The following PHTF2 variants were observed in gnomAD, a reference collection of about 807,000 sequenced individuals.
PHTF2 encodes putative homeodomain transcription factor 2, also known as protein PHTF2.
A neutral mutation model predicts 101.2 loss-of-function variants in PHTF2; 60 were observed. That is an observed-to-expected ratio of 0.59 (90% CI 0.48 to 0.73). The LOEUF (loss-of-function observed/expected upper bound fraction) is 0.73, where lower values mean the gene tolerates loss of function less well. Ranked by LOEUF, PHTF2 falls within the 30% of genes least tolerant of loss-of-function variation. The probability of loss-of-function intolerance (pLI) is 0.00; values close to 1 mark genes in which losing one functional copy is unlikely to be tolerated. For missense variants in PHTF2, 747 were observed against 908.7 expected (o/e 0.82, Z 2.29); for synonymous variants, 311 against 307.3 (o/e 1.01, Z -0.13).
In PHTF2 at chr7:77,808,889, C is replaced by CT. The variant is rs936741356; in HGVS notation, c.-36+9926dup. On this transcript the variant is annotated intron_variant, in intron 1 of 19. Transcript: ENST00000416283. ...TTACCCAATATCTGAAAATGTTTCA[C>CT]TTTTTTTTCTAACTTTTTAGTTTTT... Among the ~76,000 whole-genome samples the CT allele has an allele frequency of 4.4e-4, 67 of 152,034 alleles. 2 individuals carry two copies. The highest frequency in any genetic ancestry group is 3.4e-3 in the Middle Eastern group (1 of 292).
chr7:77,879,467 GT>G, intron 3 of PHTF2, among the ~76,000 whole-genome samples: 1 of 152,198 alleles, frequency 6.6e-6, no homozygotes, highest in Middle Eastern at 3.4e-3. Flanking sequence ...CCACAAAGCT[GT>G]TTGCCGGGCT....
At chr7:77,888,741 C>A (rs180749283) in intron 3 of PHTF2, among the ~76,000 whole-genome samples, 6 of 152,046 alleles carry the variant, frequency 3.9e-5, no homozygotes, top group African/African-American at 1.4e-4. Flanking sequence ...TTGAACTTGG[C>A]CTTGCGATTT....
intron 13 of PHTF2, among the ~76,000 whole-genome samples, chr7:77,938,756 G>A (rs544068707): frequency 6.6e-6 from 1 of 152,284 alleles, no homozygotes; most frequent in Admixed American, 6.5e-5. Context: ...CAGCCTGGGC[G>A]ACAGAGCGAG....
At chr7:77,910,347 C>G in exon 9 of PHTF2, 1 of 1,613,706 alleles carries the variant, frequency 6.2e-7, no homozygotes, top group Non-Finnish European at 8.5e-7. Context: ...ACGGTACAAG[C>G]ACCTCTCACA....
Position 77,829,763 on chromosome 7 carries a change from A to G in PHTF2, c.-35-10458A>G, listed in dbSNP as rs145783227. On this transcript the variant is annotated intron_variant, in intron 1 of 19. Coordinates refer to ENST00000416283, the Ensembl canonical transcript of PHTF2. ...CAACTGAGTTATATTTAACTTTAGCATTTAGGAATGGTGTTAGACTAGACT... is the reference window on the plus strand; with the variant it reads ...CAACTGAGTTATATTTAACTTTAGCGTTTAGGAATGGTGTTAGACTAGACT... Among the ~76,000 whole-genome samples, 647 of 152,304 alleles carry G rather than the reference A, an allele frequency of 4.2e-3. 3 individuals carry two copies. The highest frequency in any genetic ancestry group is 7.1e-3 in the Non-Finnish European group (482 of 68,024).
intron 7 of PHTF2, chr7:77,908,034 G>A (rs567562989): frequency 1.3e-5 from 2 of 152,196 alleles, no homozygotes; most frequent in Non-Finnish European, 2.9e-5. Context: ...TTGTGATCTA[G>A]GAGAAAGGTC....
rs142179363 is a variant in PHTF2, at chr7:77,927,488, C to A, written c.1120-1621C>A. 7.1e-3 allele frequency among the ~76,000 whole-genome samples: 1,086 copies of A among 151,894 alleles called. 18 individuals carry two copies. The highest frequency in any genetic ancestry group is 0.024 in the African/African-American group (1,015 of 41,434). Reference sequence around the variant, plus strand: ...GCATGTGTCTGTAACCCCAGCTACTCGGGAGGCTGAGGCAGGAGAATCACT... The same window carrying A: ...GCATGTGTCTGTAACCCCAGCTACTAGGGAGGCTGAGGCAGGAGAATCACT... On this transcript the variant is annotated intron_variant, in intron 11 of 19. Transcript: ENST00000416283.
At chr7:77,883,192 T>A (rs1040417310) in intron 3 of PHTF2, among the ~76,000 whole-genome samples, 2 of 152,136 alleles carry the variant, frequency 1.3e-5, no homozygotes, top group Non-Finnish European at 2.9e-5. Context: ...ATCCAAAGGA[T>A]TGAGAACTTT....
At chr7:77,897,468 G>A (rs550596309) in intron 5 of PHTF2, among the ~76,000 whole-genome samples, 152 of 151,270 alleles carry the variant, frequency 1.0e-3, no homozygotes, top group African/African-American at 3.5e-3. Context: ...TGCATTTGTG[G>A]TGCTTGTTTC....
intron 1 of PHTF2, among the ~76,000 whole-genome samples, chr7:77,829,246 T>C (rs1285459074): frequency 6.6e-6 from 1 of 152,204 alleles, no homozygotes; most frequent in Non-Finnish European, 1.5e-5. Flanking sequence ...CACTTTTATT[T>C]AGTACGGGTA....
chr7:77,935,685 T>C lies in PHTF2; in HGVS notation c.1339-2025T>C, dbSNP rs1805061403. Among the ~76,000 whole-genome samples the C allele has an allele frequency of 2.0e-5, 3 of 152,316 alleles. 1 individual carries two copies. Among genetic ancestry groups the C allele is most frequent in the African/African-American group, 7.2e-5 (3 of 41,574 alleles). On this transcript the variant is annotated intron_variant, in intron 12 of 19. Coordinates refer to ENST00000416283, the Ensembl canonical transcript of PHTF2. ...GGGAGGACAATGAGAATGTCCTGAT[T>C]TCCTATTTCTGTCTCTAGATGGGCT...
intron 1 of PHTF2, among the ~76,000 whole-genome samples, chr7:77,829,164 G>C (rs1794900877): frequency 6.6e-6 from 1 of 152,226 alleles, no homozygotes; most frequent in African/African-American, 2.4e-5. Context: ...CTAGGTGGCA[G>C]AGTGAGACCC....
At chr7:77,883,553 T>A (rs1433899405) in intron 3 of PHTF2, among the ~76,000 whole-genome samples, 1 of 152,208 alleles carries the variant, frequency 6.6e-6, no homozygotes, top group East Asian at 1.9e-4. Context: ...CATATATTTT[T>A]AGCTTTTATT....
intron 1 of PHTF2, among the ~76,000 whole-genome samples, chr7:77,837,081 G>A (rs1255573542): frequency 2.0e-5 from 3 of 151,944 alleles, no homozygotes; most frequent in Non-Finnish European, 4.4e-5. Flanking sequence ...TATGCCTGCA[G>A]TTAGCCCTAT....
At chr7:77,851,865 C>G (rs1012200148) in intron 2 of PHTF2, among the ~76,000 whole-genome samples, 2 of 152,124 alleles carry the variant, frequency 1.3e-5, no homozygotes, top group Non-Finnish European at 2.9e-5. Flanking sequence ...AAACTTTCCT[C>G]TTAGTACTGC....
chr7:77,817,357 T>C (rs1793929680), intron 1 of PHTF2, among the ~76,000 whole-genome samples: 1 of 152,198 alleles, frequency 6.6e-6, no homozygotes, highest in Non-Finnish European at 1.5e-5. Flanking sequence ...AAGACATACC[T>C]GAGCCTGGGT....
At chr7:77,893,819 C>G (rs541163275) in intron 4 of PHTF2, among the ~76,000 whole-genome samples, 155 bp downstream of exon 3, 1 of 152,056 alleles carries the variant, frequency 6.6e-6, no homozygotes, top group Admixed American at 6.6e-5. Flanking sequence ...ACCATAGTCA[C>G]GTTTACTCCT....
chr7:77,895,150 G>C (rs1372902187), intron 5 of PHTF2: 1 of 455,914 alleles, frequency 2.2e-6, no homozygotes, highest in Admixed American at 2.4e-5. Context: ...GTACTTGGGA[G>C]GGACATTTGA....
chr7:77,921,777 T>C, intron 10 of PHTF2, among the ~76,000 whole-genome samples: 1 of 152,212 alleles, frequency 6.6e-6, no homozygotes, highest in Non-Finnish European at 1.5e-5. Flanking sequence ...ACGTATGCTC[T>C]AGAGTCATTT....
Sources: allele counts gnomAD v4.1 joint callset (sites outside exome capture counted in the v4.1 genomes callset), GRCh38; gene constraint gnomAD v4.1.1; transcripts MANE v1.5; gene names NCBI Gene and HGNC (gene_info 2026-07-23, HGNC 2026-07-21).